CACNA1E: variants seen among roughly 807,000 people sequenced by gnomAD.
CACNA1E encodes calcium voltage-gated channel subunit alpha1 E, also known as voltage-dependent R-type calcium channel subunit alpha-1E.
A neutral mutation model predicts 259.2 loss-of-function variants in CACNA1E; 40 were observed. The observed-to-expected ratio is 0.15, with a 90% CI of 0.12 to 0.20. CACNA1E has a LOEUF of 0.20. Ranked by LOEUF, CACNA1E falls within the 10% of genes least tolerant of loss-of-function variation. The pLI, the probability that CACNA1E is intolerant of heterozygous loss-of-function variation, is 1.00. For synonymous variants in CACNA1E, 1,104 were observed against 1,138.5 expected (o/e 0.97, Z 0.61); for missense variants, 1,874 against 3,040.1 (o/e 0.62, Z 9.02).
At chr1:181,685,498 C>T (rs975770259) in intron 7 of CACNA1E, among the ~76,000 whole-genome samples, 1 of 152,008 alleles carries the variant, frequency 6.6e-6, no homozygotes. Context: ...CTGACTTGGC[C>T]CCTCTTGGAG....
At chr1:181,413,530 C>G (rs1211819829) in exon 2 of CACNA1E, 3 of 152,428 alleles carry the variant, frequency 2.0e-5, no homozygotes, top group Non-Finnish European at 4.4e-5. Flanking sequence ...TCAAGGCCCA[C>G]GAGGCGCACA....
At chr1:181,394,117 GGT>G (rs139838378) in intron 1 of CACNA1E, among the ~76,000 whole-genome samples, 3,058 of 152,276 alleles carry the variant, frequency 0.02, 117 homozygotes, top group African/African-American at 0.068. Context: ...ACTCAGTCCA[GGT>G]GTGTGTGGAA....
chr1:181,418,960 T>G (rs1022858921), intron 2 of CACNA1E, among the ~76,000 whole-genome samples: 1 of 152,070 alleles, frequency 6.6e-6, no homozygotes, highest in Admixed American at 6.6e-5. Flanking sequence ...TTGTCCCCAT[T>G]TTTGCACTTG....
At chr1:181,790,652 C>T (rs1441257890) in intron 44 of CACNA1E, 96 bp downstream of exon 44, 13 of 832,328 alleles carry the variant, frequency 1.6e-5, no homozygotes, top group Non-Finnish European at 2.4e-5. Context: ...TCAGGAAAAT[C>T]CATTCTAGTA....
intron 2 of CACNA1E, among the ~76,000 whole-genome samples, chr1:181,468,777 A>G (rs753024868): frequency 2.1e-4 from 32 of 152,156 alleles, no homozygotes; most frequent in African/African-American, 5.1e-4. Context: ...GCAGGTGGCT[A>G]TGGAAGAAGG....
At chr1:181,468,076 T>C (rs1005818502) in intron 2 of CACNA1E, among the ~76,000 whole-genome samples, 2 of 152,174 alleles carry the variant, frequency 1.3e-5, no homozygotes, top group Non-Finnish European at 2.9e-5. Context: ...GAAGAAGAGG[T>C]TGATGTGTGT....
At chr1:181,347,777 G>T (rs1449250627) in intron 1 of CACNA1E, among the ~76,000 whole-genome samples, 1 of 152,238 alleles carries the variant, frequency 6.6e-6, no homozygotes, top group Middle Eastern at 3.2e-3. Context: ...GTGGGATGGG[G>T]GATAGCCCCT....
intron 38 of CACNA1E, among the ~76,000 whole-genome samples, chr1:181,780,655 G>T (rs751523696): frequency 1.2e-4 from 19 of 152,228 alleles, no homozygotes; most frequent in Non-Finnish European, 1.9e-4. Context: ...GCATGTGGGA[G>T]AGCTGGGGAG....
At chr1:181,660,387 A>T (rs1299521038) in intron 7 of CACNA1E, among the ~76,000 whole-genome samples, 1 of 152,250 alleles carries the variant, frequency 6.6e-6, no homozygotes. Flanking sequence ...TATTTCAAAA[A>T]TACATGTAAT....
intron 1 of CACNA1E, among the ~76,000 whole-genome samples, chr1:181,384,390 TTC>T (rs1358868954): frequency 6.6e-6 from 1 of 152,182 alleles, no homozygotes; most frequent in African/African-American, 2.4e-5. Context: ...AAATCTACTC[TTC>T]TTTTGCCTCT....
chr1:181,618,860 A>C (rs1284346417), intron 6 of CACNA1E, among the ~76,000 whole-genome samples: 1 of 152,204 alleles, frequency 6.6e-6, no homozygotes, highest in Non-Finnish European at 1.5e-5. Flanking sequence ...AAATTCATTT[A>C]TGTTACACTT....
intron 1 of CACNA1E, among the ~76,000 whole-genome samples, chr1:181,340,353 T>C (rs1368230337): frequency 6.6e-6 from 1 of 152,134 alleles, no homozygotes; most frequent in Non-Finnish European, 1.5e-5. Flanking sequence ...GATTTTATAA[T>C]ATGCCTTAAT....
intron 7 of CACNA1E, among the ~76,000 whole-genome samples, chr1:181,706,596 T>C (rs1391736711): frequency 6.6e-6 from 1 of 152,264 alleles, no homozygotes; most frequent in African/African-American, 2.4e-5. Context: ...TTTATGCTAC[T>C]GTCTCAATGA....
At chr1:181,673,377 G>A (rs1337357407) in intron 7 of CACNA1E, among the ~76,000 whole-genome samples, 1 of 152,186 alleles carries the variant, frequency 6.6e-6, no homozygotes, top group Non-Finnish European at 1.5e-5. Context: ...CTCAAAGTGG[G>A]CACTGTCACA....
chr1:181,703,909 A>C lies in CACNA1E; in HGVS notation c.1056-7045A>C, dbSNP rs140028239. Among the ~76,000 whole-genome samples, 78 of 152,254 alleles carry C rather than the reference A, an allele frequency of 5.1e-4. 1 individual carries two copies. The East Asian group carries it at 0.015, about 29-fold the overall frequency. ...CATTGCCGTGGACATAAGGTGGTGG[A>C]GTAGGAGTGGGATATAGCACTTCAT... is the stretch of plus-strand genomic sequence containing the variant. On this transcript the variant is annotated intron_variant, in intron 7 of 47. Coordinates refer to ENST00000367573, the MANE Select transcript of CACNA1E (RefSeq NM_001205293.3).
intron 3 of CACNA1E, among the ~76,000 whole-genome samples, chr1:181,571,928 A>G (rs1232257750): frequency 1.3e-5 from 2 of 152,212 alleles, no homozygotes; most frequent in African/African-American, 4.8e-5. Context: ...ACTTAAGTGT[A>G]ACTGATAGAT....
intron 2 of CACNA1E, among the ~76,000 whole-genome samples, chr1:181,442,512 C>T (rs1558008347): frequency 1.3e-5 from 2 of 152,102 alleles, no homozygotes; most frequent in Non-Finnish European, 2.9e-5. Flanking sequence ...ATCTTTGCTC[C>T]TCATTTTGTT....
chr1:181,461,141 T>G (rs1661773929), intron 2 of CACNA1E, among the ~76,000 whole-genome samples: 1 of 152,188 alleles, frequency 6.6e-6, no homozygotes, highest in South Asian at 2.1e-4. Flanking sequence ...TTACAAAACA[T>G]TCCTCTGGAG....
At position 181,733,723 on chromosome 1, in the gene CACNA1E, C is replaced by A. The variant is rs1007809575; in HGVS notation, c.3235C>A (p.Pro1079Thr). The A allele has an allele frequency of 1.8e-5, 28 of 1,575,690 alleles. No individual in the cohort carries two copies. The highest frequency in any genetic ancestry group is 2.3e-5 in the Non-Finnish European group (27 of 1,160,278). ...SVTVAIPDVDPLVDSTVVHIS... is the reference protein window; with the variant it reads ...SVTVAIPDVDTLVDSTVVHIS... ...CACCGTCGCCATCCCCGACGTGGAC[C>A]CCTTGGTGGACTCAACCGTGGTGCA... The change falls in exon 21 of 48, where the codon CCC becomes ACC. Residue 1079 changes from proline to threonine, a missense_variant. By Grantham distance (38) the Pro-to-Thr change is conservative (BLOSUM62 -1). Transcript: ENST00000367573.
Sources: allele counts gnomAD v4.1 joint callset (sites outside exome capture counted in the v4.1 genomes callset), GRCh38; gene constraint gnomAD v4.1.1; transcripts MANE v1.5; gene names NCBI Gene and HGNC (gene_info 2026-07-23, HGNC 2026-07-21).